The following CSMD1 variants were observed in gnomAD, a reference collection of about 807,000 sequenced individuals.
CSMD1 encodes CUB and sushi domain-containing protein 1.
A neutral mutation model predicts 417.5 loss-of-function variants in CSMD1; 213 were observed. The ratio of observed to expected loss-of-function variants is 0.51; its 90% CI spans 0.46 to 0.57. The LOEUF is 0.57. CSMD1 is among the 20% of genes least tolerant of loss of function. The pLI is 0.00. For synonymous variants in CSMD1, 2,862 were observed against 1,736.8 expected, an observed-to-expected ratio of 1.65 and a Z score of -16.11; for missense variants, 6,923 against 4,529.7, an observed-to-expected ratio of 1.53 and a Z score of -15.17.
At position 4,815,767 on chromosome 8, in the gene CSMD1, A is replaced by AAG. The variant is rs544948449; in HGVS notation, c.86-178210_86-178209insCT. ...CTTTTTAAAAGGAGTTTATATAATAAACACATTTTACAGATATTAGTAATT... is the reference window on the plus strand; with the variant it reads ...CTTTTTAAAAGGAGTTTATATAATAAAGACACATTTTACAGATATTAGTAATT... On this transcript the variant is annotated intron_variant, in intron 1 of 69. Coordinates refer to ENST00000635120, the MANE Select transcript of CSMD1 (RefSeq NM_033225.6). Among the ~76,000 whole-genome samples, 561 of 151,934 alleles carry AAG rather than the reference A, an allele frequency of 3.7e-3. 9 individuals carry two copies. Among genetic ancestry groups the AAG allele is most frequent in the African/African-American group, 0.013 (527 of 41,438 alleles).
intron 2 of CSMD1, among the ~76,000 whole-genome samples, chr8:4,464,743 C>T (rs946236915): frequency 2.0e-5 from 3 of 152,218 alleles, no homozygotes; most frequent in East Asian, 1.9e-4. Flanking sequence ...CATCAGCATC[C>T]GTTGCTTTAA....
At chr8:3,586,323 A>G (rs1800600251) in intron 8 of CSMD1, 63 bp from the exon 9 acceptor site, 3 of 1,478,232 alleles carry the variant, frequency 2.0e-6, no homozygotes, top group Non-Finnish European at 2.7e-6. Flanking sequence ...TTTAGGAAAA[A>G]AAAAAAAATC....
chr8:3,095,611 G>C (rs1475618863), intron 47 of CSMD1, among the ~76,000 whole-genome samples: 1 of 152,084 alleles, frequency 6.6e-6, no homozygotes, highest in Admixed American at 6.6e-5. Context: ...CATCAACTCA[G>C]TAAAGTGAAT....
At chr8:4,188,659 C>T (rs946753771) in intron 3 of CSMD1, among the ~76,000 whole-genome samples, 100 of 152,146 alleles carry the variant, frequency 6.6e-4, no homozygotes, top group African/African-American at 2.1e-3. Context: ...TGAAAACTCT[C>T]ATAAAACAGT....
chr8:4,640,919 G>C (rs1016361321), intron 1 of CSMD1, among the ~76,000 whole-genome samples: 4 of 148,308 alleles, frequency 2.7e-5, no homozygotes, highest in Non-Finnish European at 3.0e-5. Flanking sequence ...GACACCGGAA[G>C]TCACCCTGAA....
In CSMD1 at chr8:3,289,079, T is replaced by C. The variant is rs1803363519; in HGVS notation, c.3951-4733A>G. Among the ~76,000 whole-genome samples, 3 of 147,258 alleles carry C rather than the reference T, an allele frequency of 2.0e-5. 1 individual carries two copies. Among genetic ancestry groups the C allele is most frequent in the African/African-American group, 8.1e-5 (3 of 37,018 alleles). On this transcript the variant is annotated intron_variant, in intron 25 of 69. Coordinates refer to ENST00000635120, the MANE Select transcript of CSMD1 (RefSeq NM_033225.6). ...CCTATGAGGGAGAACATGCGGTATT[T>C]AGTTTTTTGTCCTTGAGATAGTTTG...
intron 3 of CSMD1, among the ~76,000 whole-genome samples, chr8:4,260,803 G>C (rs1803827110): frequency 6.6e-6 from 1 of 152,044 alleles, no homozygotes; most frequent in Non-Finnish European, 1.5e-5. Flanking sequence ...ACCTCTCCTG[G>C]AAAATTATTA....
chr8:3,743,115 T>A (rs1224739317), intron 6 of CSMD1, among the ~76,000 whole-genome samples: 1 of 152,212 alleles, frequency 6.6e-6, no homozygotes, highest in African/African-American at 2.4e-5. Flanking sequence ...TTAAAGGAAC[T>A]GAGAGACTTG....
intron 41 of CSMD1, chr8:3,128,718 C>G (rs541599795): frequency 8.2e-6 from 3 of 364,562 alleles, no homozygotes; most frequent in South Asian, 4.3e-5. Flanking sequence ...AATTCATGTT[C>G]TCATTTATTT....
chr8:4,378,480 T>C (rs907808924), intron 3 of CSMD1, among the ~76,000 whole-genome samples: 5 of 152,196 alleles, frequency 3.3e-5, no homozygotes, highest in Admixed American at 3.3e-4. Context: ...CCCTAGTTTT[T>C]ATCCCCTTTA....
chr8:3,689,859 T>A (rs1023086492), intron 7 of CSMD1, among the ~76,000 whole-genome samples: 2 of 152,198 alleles, frequency 1.3e-5, no homozygotes, highest in African/African-American at 4.8e-5. Flanking sequence ...GAGCTTTAAA[T>A]CAGATATTTC....
chr8:4,856,509 T>A (rs1338486837), intron 1 of CSMD1, among the ~76,000 whole-genome samples: 144 of 138,340 alleles, frequency 1.0e-3, no homozygotes, highest in African/African-American at 3.8e-3. Context: ...GTGTGCTGTA[T>A]TCAGGAAACC....
At chr8:3,670,576 G>GGGATATATATGGGGATATATATATTGC (rs1798946568) in intron 7 of CSMD1, among the ~76,000 whole-genome samples, 1 of 110,004 alleles carries the variant, frequency 9.1e-6, no homozygotes, top group East Asian at 2.4e-4. Flanking sequence ...ATATATATAT[G>GGGATATATATGGGGATATATATATTGC]GGATATATAT....
intron 5 of CSMD1, among the ~76,000 whole-genome samples, chr8:3,852,133 A>G (rs1803952842): frequency 6.6e-6 from 1 of 152,170 alleles, no homozygotes; most frequent in East Asian, 1.9e-4. Flanking sequence ...AACCATCGAT[A>G]CAAATACTCT....
chr8:4,143,651 CTG>C lies in CSMD1; in HGVS notation c.416-111554_416-111553del, dbSNP rs912838030. On this transcript the variant is annotated intron_variant, in intron 3 of 69. Transcript: ENST00000635120. The stretch of plus-strand genomic sequence containing the variant: ...CCTGATACCGGAAGGAGAGCATTGA[CTG>C]TGAGTTCTCCAGGTTCTTGGCATTT... 1.1e-4 allele frequency among the ~76,000 whole-genome samples: 17 copies of C among 150,826 alleles called. 1 individual carries two copies. The highest frequency in any genetic ancestry group is 4.0e-4 in the African/African-American group (16 of 40,340).
intron 1 of CSMD1, among the ~76,000 whole-genome samples, chr8:4,952,527 A>C (rs774721051): frequency 1.3e-5 from 2 of 152,032 alleles, no homozygotes; most frequent in African/African-American, 2.4e-5. Context: ...CTTAAATTCT[A>C]TTTTTTCAAT....
At chr8:4,524,423 C>T (rs975606449) in intron 2 of CSMD1, among the ~76,000 whole-genome samples, 3 of 152,118 alleles carry the variant, frequency 2.0e-5, no homozygotes, top group Admixed American at 1.3e-4. Context: ...GAGTTGATTT[C>T]TGCACAGATA....
At chr8:4,103,459 A>G (rs1214893234) in intron 3 of CSMD1, among the ~76,000 whole-genome samples, 2 of 150,932 alleles carry the variant, frequency 1.3e-5, no homozygotes, top group African/African-American at 4.9e-5. Flanking sequence ...TAACATCCAC[A>G]TGATTATTTT....
chr8:2,950,768 G>GTGATGA (rs1802573895), intron 66 of CSMD1, among the ~76,000 whole-genome samples: 1 of 152,100 alleles, frequency 6.6e-6, no homozygotes, highest in African/African-American at 2.4e-5. Context: ...TATTAATTGT[G>GTGATGA]TGATGATTTT....
Sources: allele counts gnomAD v4.1 joint callset (sites outside exome capture counted in the v4.1 genomes callset), GRCh38; gene constraint gnomAD v4.1.1; transcripts MANE v1.5; gene names NCBI Gene and HGNC (gene_info 2026-07-23, HGNC 2026-07-21).